The following NUDT1 variants were observed in gnomAD, a reference collection of about 807,000 sequenced individuals.
NUDT1 encodes the protein oxidized purine nucleoside triphosphate hydrolase.
Under a neutral mutation model 11.3 loss-of-function variants are expected in NUDT1, and 16 were observed. That is an observed-to-expected ratio of 1.41 (90% CI 0.96 to 2.15). The LOEUF (loss-of-function observed/expected upper bound fraction) is 2.15, where lower values mean the gene tolerates loss of function less well. Ranked by LOEUF, NUDT1 falls within the 30% of genes most tolerant of loss-of-function variation. The pLI is 0.00. For missense variants in NUDT1, 234 were observed against 208.4 expected (o/e 1.12, Z -0.76); for synonymous variants, 101 against 84.4 (o/e 1.20, Z -1.08).
In NUDT1 at chr7:2,251,000, A is replaced by G; in HGVS notation, c.470A>G (p.Ter157TrpextTer43). 2.5e-6 allele frequency: 4 copies of G among 1,613,842 alleles called. No homozygotes were observed. Among genetic ancestry groups the G allele is most frequent in the Non-Finnish European group, 2.5e-6 (3 of 1,179,890 alleles). The change falls in exon 4 of 4, where the codon TAG (stop) becomes TGG (tryptophan). Residue 157 changes from the stop codon to tryptophan, a stop_lost. Coordinates refer to ENST00000356714, the MANE Select transcript of NUDT1 (RefSeq NM_002452.4). ...ACACTCCGCGAGGTGGACACGGTCT[A>G]GCGGGAGCCCAGGGCAGCCCCTGGG... is the stretch of plus-strand genomic sequence containing the variant. ...DYTLREVDTV[*>W]
At chr7:2,242,413 G>C (rs550852755) in intron 1 of NUDT1, 157 bp downstream of exon 1, 86 of 500,744 alleles carry the variant, frequency 1.7e-4, no homozygotes, top group Admixed American at 7.1e-4. Context: ...TCGGGGGCTC[G>C]AGGGAGACGA....
At chr7:2,245,457 C>A (rs1024916140) in intron 2 of NUDT1, among the ~76,000 whole-genome samples, 1 of 152,218 alleles carries the variant, frequency 6.6e-6, no homozygotes, top group African/African-American at 2.4e-5. Context: ...TCATCACAAC[C>A]TGCAGTAAGA....
chr7:2,244,524 C>T, intron 1 of NUDT1, 39 bp from the exon 2 acceptor site: 3 of 1,495,866 alleles, frequency 2.0e-6, no homozygotes, highest in Non-Finnish European at 2.7e-6. Flanking sequence ...TTCCTCCACG[C>T]ACGTCATGGC....
Position 2,250,824 on chromosome 7 carries a change from T to G in NUDT1, c.299-5T>G, listed in dbSNP as rs369506964. On this transcript the variant is annotated splice_polypyrimidine_tract_variant and splice_region_variant and intron_variant, in intron 3 of 3. Coordinates refer to ENST00000356714, the MANE Select transcript of NUDT1 (RefSeq NM_002452.4). ...TCAGTGCCTCCTCTTCCCCCATTGG[T>G]ACAGAAATGCGCCCATGCTGGTTCC... 42 of 1,614,026 alleles carry G rather than the reference T, an allele frequency of 2.6e-5. No individual in the cohort carries two copies. Among genetic ancestry groups the G allele is most frequent in the Non-Finnish European group, 3.6e-5 (42 of 1,179,932 alleles).
chr7:2,245,057 C>T (rs1794718463), intron 2 of NUDT1, among the ~76,000 whole-genome samples: 1 of 152,172 alleles, frequency 6.6e-6, no homozygotes. Context: ...GAATTGAACC[C>T]TCCCAGCACC....
At chr7:2,246,907 G>A (rs1794788955) in intron 2 of NUDT1, among the ~76,000 whole-genome samples, 2 of 152,250 alleles carry the variant, frequency 1.3e-5, no homozygotes, top group Admixed American at 6.5e-5. Flanking sequence ...GTGAGCCACC[G>A]TGCCCAGCCG....
At chr7:2,242,847 CCTTGTAGGTGG>C in intron 1 of NUDT1, 1 of 677,870 alleles carries the variant, frequency 1.5e-6, no homozygotes, top group Non-Finnish European at 2.7e-6. Flanking sequence ...TTCAGTTTAG[CCTTGTAGGTGG>C]CTTGTGTTAG....
intron 2 of NUDT1, among the ~76,000 whole-genome samples, chr7:2,246,861 C>T (rs1794786915): frequency 6.6e-6 from 1 of 152,164 alleles, no homozygotes; most frequent in African/African-American, 2.4e-5. Context: ...ACGGGATCCA[C>T]CCGCCTCGGC....
At chr7:2,242,382 AAGG>A in intron 1 of NUDT1, 126 bp downstream of exon 1, 2 of 521,976 alleles carry the variant, frequency 3.8e-6, no homozygotes, top group Non-Finnish European at 6.7e-6. Context: ...CGGGAGCTCG[AAGG>A]AGACCAGAAG....
At chr7:2,244,343 C>T (rs1290429789) in intron 1 of NUDT1, 2 of 486,040 alleles carry the variant, frequency 4.1e-6, no homozygotes, top group African/African-American at 1.9e-5. Flanking sequence ...TTGATCAGCC[C>T]TGCTGACCAC....
chr7:2,245,017 G>C (rs545471031), intron 2 of NUDT1, among the ~76,000 whole-genome samples: 6 of 152,290 alleles, frequency 3.9e-5, no homozygotes, highest in Non-Finnish European at 7.3e-5. Flanking sequence ...GGGCTGCAGG[G>C]CGTATCTGGA....
At chr7:2,244,887 C>G (rs1794711595) in intron 2 of NUDT1, among the ~76,000 whole-genome samples, 161 bp downstream of exon 2, 1 of 152,166 alleles carries the variant, frequency 6.6e-6, no homozygotes, top group South Asian at 2.1e-4. Flanking sequence ...AAGAACAGTC[C>G]GCAGCCCTTC....
In NUDT1 at chr7:2,250,680, G is replaced by A. The variant is rs571873619; in HGVS notation, c.299-149G>A. On this transcript the variant is annotated intron_variant, in intron 3 of 3. Transcript: ENST00000356714. ...TCACCGTGTTAGCCAGGATGGTCTC[G>A]ATCTCCTGACCTCGTGATCCTCCCG... is the stretch of plus-strand genomic sequence containing the variant. The A allele has an allele frequency of 4.5e-5, 24 of 534,350 alleles. 1 individual carries two copies. The highest frequency in any genetic ancestry group is 2.4e-4 in the South Asian group (14 of 57,890). The allele number at this position is 534,350 out of a possible 1,614,324, so 33.1% of individuals were successfully genotyped here.
At chr7:2,247,143 T>C (rs4719469) in intron 2 of NUDT1, among the ~76,000 whole-genome samples, 51,737 of 152,120 alleles carry the variant, frequency 0.34, 9,350 homozygotes, top group East Asian at 0.56. Context: ...GATTTGCTCC[T>C]GGGGCAACCC....
intron 2 of NUDT1, chr7:2,248,228 TAAG>T (rs1794844630): frequency 6.6e-6 from 1 of 152,200 alleles, no homozygotes; most frequent in Admixed American, 6.5e-5. Flanking sequence ...CCGGGCATGG[TAAG>T]AGGAGGAGAC....
chr7:2,250,589 C>G (rs1339511046), intron 3 of NUDT1, among the ~76,000 whole-genome samples: 16 of 152,170 alleles, frequency 1.1e-4, no homozygotes, highest in African/African-American at 3.9e-4. Flanking sequence ...TCCCAAGTAG[C>G]TGGGACTACA....
chr7:2,251,112 T>G lies in NUDT1; in HGVS notation c.*111T>G. On this transcript the variant is annotated 3_prime_UTR_variant, in exon 4 of 4. Transcript: ENST00000356714. Reference sequence around the variant, plus strand: ...GAGCCGGGTTTCATCTGGAATTAACTGGATGGAAGGGAAAATAAAGCTATC... The same window carrying G: ...GAGCCGGGTTTCATCTGGAATTAACGGGATGGAAGGGAAAATAAAGCTATC... 2 of 1,070,802 alleles carry G rather than the reference T, an allele frequency of 1.9e-6. No homozygotes were observed. Among genetic ancestry groups the G allele is most frequent in the Non-Finnish European group, 2.8e-6 (2 of 707,994 alleles). 66.3% of individuals were successfully genotyped at this position (1,070,802 alleles called of 1,614,324 possible). A position where few individuals can be genotyped will look rare whatever the true frequency, so the allele number is the denominator to read the frequency against.
chr7:2,244,459 C>A (rs531976142), intron 1 of NUDT1, 104 bp from the exon 2 acceptor site: 1 of 971,532 alleles, frequency 1.0e-6, no homozygotes, highest in Non-Finnish European at 1.5e-6. Context: ...CATACCCCCC[C>A]GCCCCCCACT....
In NUDT1 at chr7:2,251,069, G is replaced by C; in HGVS notation, c.*68G>C. ...AACAGCCGCAAACCATCTTCACCTG[G>C]GGGCATTGAGTGGCGCAGAGCCGGG... On this transcript the variant is annotated 3_prime_UTR_variant, in exon 4 of 4. Coordinates refer to ENST00000356714, the MANE Select transcript of NUDT1 (RefSeq NM_002452.4). 1.3e-6 allele frequency: 2 copies of C among 1,527,592 alleles called. No homozygotes were observed. Among genetic ancestry groups the C allele is most frequent in the Non-Finnish European group, 1.8e-6 (2 of 1,104,566 alleles). The allele number at this position is 1,527,592 out of a possible 1,614,324, so 94.6% of individuals were successfully genotyped here.
Sources: allele counts gnomAD v4.1 joint callset (sites outside exome capture counted in the v4.1 genomes callset), GRCh38; gene constraint gnomAD v4.1.1; transcripts MANE v1.5; gene names NCBI Gene and HGNC (gene_info 2026-07-23, HGNC 2026-07-21).